Variants in EPHA6 observed in about 807,000 individuals in gnomAD.
EPHA6 encodes ephrin type-A receptor 6.
A neutral mutation model predicts 112.0 loss-of-function variants in EPHA6; 50 were observed. The observed-to-expected ratio is 0.45, with a 90% confidence interval of 0.36 to 0.56. The LOEUF (loss-of-function observed/expected upper bound fraction) is 0.56, where lower values mean the gene tolerates loss of function less well. Ranked by LOEUF, EPHA6 falls within the 20% of genes least tolerant of loss-of-function variation. The probability of loss-of-function intolerance (pLI) is 0.00; values close to 1 mark genes in which losing one functional copy is unlikely to be tolerated. For missense variants in EPHA6, 1,280 were observed against 1,417.4 expected (o/e 0.90, Z 1.56); for synonymous variants, 529 against 490.7 (o/e 1.08, Z -1.03).
At chr3:97,190,870 A>G (rs1409033355) in intron 3 of EPHA6, among the ~76,000 whole-genome samples, 2 of 151,862 alleles carry the variant, frequency 1.3e-5, no homozygotes, top group Non-Finnish European at 2.9e-5. Context: ...AGTATAATAA[A>G]AAAAAAGTCT....
At chr3:97,452,633 A>G (rs2090564493) in intron 7 of EPHA6, among the ~76,000 whole-genome samples, 1 of 151,752 alleles carries the variant, frequency 6.6e-6, no homozygotes, top group Non-Finnish European at 1.5e-5. Flanking sequence ...GTAGTAAGAA[A>G]GTAAGAATAT....
intron 3 of EPHA6, among the ~76,000 whole-genome samples, chr3:97,076,226 G>C (rs1249724515): frequency 2.0e-5 from 3 of 152,112 alleles, no homozygotes; most frequent in African/African-American, 7.2e-5. Flanking sequence ...TGTGGGTGCA[G>C]AAGTAAAGTT....
chr3:97,197,988 G>A lies in EPHA6; in HGVS notation c.1115-28276G>A, dbSNP rs560125421. Among the ~76,000 whole-genome samples, 23 of 152,114 alleles carry A rather than the reference G, an allele frequency of 1.5e-4. No individual in the cohort carries two copies. In the East Asian group the frequency reaches 3.3e-3, roughly 22 times the overall value. On this transcript the variant is annotated intron_variant, in intron 3 of 17. Transcript: ENST00000389672. ...TCCACTGCAAAGTCCTACAATCACC[G>A]TGCTCTCCCTTTCCCAAACACACAG...
At chr3:97,432,710 A>G (rs540304099) in intron 6 of EPHA6, among the ~76,000 whole-genome samples, 10 of 152,190 alleles carry the variant, frequency 6.6e-5, no homozygotes, top group Non-Finnish European at 1.3e-4. Flanking sequence ...ACTTACAATC[A>G]TGTGTAAGGC....
At chr3:97,436,010 A>G (rs1293635199) in intron 6 of EPHA6, among the ~76,000 whole-genome samples, 1 of 152,154 alleles carries the variant, frequency 6.6e-6, no homozygotes, top group Non-Finnish European at 1.5e-5. Context: ...ATTACAATGT[A>G]TTTATTAGTA....
At chr3:97,624,594 A>AT (rs2093840589) in intron 13 of EPHA6, among the ~76,000 whole-genome samples, 1 of 151,348 alleles carries the variant, frequency 6.6e-6, no homozygotes, top group Admixed American at 6.6e-5. Flanking sequence ...CTCCTCTTCA[A>AT]TTTTTCAGGA....
In EPHA6 at chr3:97,413,270, A is replaced by G. The variant is rs867394888; in HGVS notation, c.1731+7996A>G. On this transcript the variant is annotated intron_variant, in intron 6 of 17. Coordinates refer to ENST00000389672, the MANE Select transcript of EPHA6 (RefSeq NM_001080448.3). ...GACTGAAGCAGGTCTCAACTGATAG[A>G]GGTTTATTTTGCCAAGGTTGAGGAT... 1.5e-4 allele frequency among the ~76,000 whole-genome samples: 23 copies of G among 151,998 alleles called. 1 individual carries two copies. The South Asian group carries it at 3.5e-3, about 23-fold the overall frequency.
chr3:97,301,349 T>C (rs921026048), intron 5 of EPHA6, among the ~76,000 whole-genome samples: 1 of 152,310 alleles, frequency 6.6e-6, no homozygotes. Context: ...GATTTAAGTA[T>C]TACCTCTTTG....
At chr3:97,183,331 G>A (rs1321085817) in intron 3 of EPHA6, among the ~76,000 whole-genome samples, 1 of 152,036 alleles carries the variant, frequency 6.6e-6, no homozygotes, top group African/African-American at 2.4e-5. Flanking sequence ...ATCACTAGAT[G>A]TGAAATAAAT....
chr3:96,855,712 A>C (rs756179305), intron 1 of EPHA6, among the ~76,000 whole-genome samples: 1 of 151,982 alleles, frequency 6.6e-6, no homozygotes, highest in Non-Finnish European at 1.5e-5. Context: ...AATACAGAAG[A>C]GATTCCTGAA....
chr3:97,537,665 A>C (rs1320963614), intron 11 of EPHA6, among the ~76,000 whole-genome samples: 1 of 151,928 alleles, frequency 6.6e-6, no homozygotes, highest in Non-Finnish European at 1.5e-5. Flanking sequence ...TGCAACCTCC[A>C]CCTCCCAGGT....
intron 3 of EPHA6, among the ~76,000 whole-genome samples, chr3:97,112,890 G>T (rs539307364): frequency 2.0e-5 from 3 of 152,076 alleles, no homozygotes; most frequent in South Asian, 4.2e-4. Context: ...AAATTTCCTT[G>T]ATAACTCAGG....
At chr3:97,709,600 G>C (rs953376242) in intron 14 of EPHA6, among the ~76,000 whole-genome samples, 1 of 152,226 alleles carries the variant, frequency 6.6e-6, no homozygotes, top group Admixed American at 6.5e-5. Flanking sequence ...GGTTGCTTTT[G>C]AAATGTGAAA....
chr3:97,595,143 C>T (rs529967733), intron 12 of EPHA6, among the ~76,000 whole-genome samples: 1 of 152,216 alleles, frequency 6.6e-6, no homozygotes, highest in African/African-American at 2.4e-5. Context: ...ATCATGAGAC[C>T]TAGAAAGCAG....
intron 3 of EPHA6, among the ~76,000 whole-genome samples, chr3:97,186,538 T>G (rs576121015): frequency 6.6e-6 from 1 of 152,262 alleles, no homozygotes; most frequent in East Asian, 1.9e-4. Flanking sequence ...CTGAACACTT[T>G]GTCCAATGAA....
intron 2 of EPHA6, among the ~76,000 whole-genome samples, chr3:96,979,811 G>A (rs2042685569): frequency 6.6e-6 from 1 of 152,160 alleles, no homozygotes; most frequent in Non-Finnish European, 1.5e-5. Context: ...GTGATGATGA[G>A]CATTTTTTCA....
intron 3 of EPHA6, among the ~76,000 whole-genome samples, chr3:97,068,189 G>T (rs956905900): frequency 4.0e-5 from 6 of 149,844 alleles, no homozygotes; most frequent in African/African-American, 1.5e-4. Context: ...AAAGAGTCAG[G>T]GATAAAGAAT....
rs1409340377 is a variant in EPHA6 at position 97,244,900 on chromosome 3, C to T, written c.1606+613C>T. Among the ~76,000 whole-genome samples, 11 of 151,962 alleles carry T rather than the reference C, an allele frequency of 7.2e-5. 1 individual carries two copies. In the South Asian group the frequency reaches 1.9e-3, roughly 26 times the overall value. ...AGATTTTTACTATAATATGGTCAGGCGCAAACACTCCTATGATTTTTACAA... is the reference window on the plus strand; with the variant it reads ...AGATTTTTACTATAATATGGTCAGGTGCAAACACTCCTATGATTTTTACAA... On this transcript the variant is annotated intron_variant, in intron 5 of 17. Coordinates refer to ENST00000389672, the MANE Select transcript of EPHA6 (RefSeq NM_001080448.3).
intron 10 of EPHA6, among the ~76,000 whole-genome samples, chr3:97,495,144 G>T (rs1193889877): frequency 6.6e-6 from 1 of 151,954 alleles, no homozygotes. Context: ...TATCCCCAGC[G>T]GTCTTTCTCA....
Sources: allele counts gnomAD v4.1 joint callset (sites outside exome capture counted in the v4.1 genomes callset), GRCh38; gene constraint gnomAD v4.1.1; transcripts MANE v1.5; gene names NCBI Gene and HGNC (gene_info 2026-07-23, HGNC 2026-07-21).